The following NCK2 variants were observed in gnomAD, a reference collection of about 807,000 sequenced individuals.
NCK2 encodes the protein NCK adaptor protein 2.
NCK2 carries 16 observed loss-of-function variants against 33.9 expected under a neutral mutation model. The ratio of observed to expected loss-of-function variants is 0.47; its 90% CI spans 0.32 to 0.72. The LOEUF (loss-of-function observed/expected upper bound fraction) is 0.72. Among genes scored for constraint, NCK2 ranks in the 30% least tolerant of loss-of-function variants. The pLI, the probability that NCK2 is intolerant of heterozygous loss-of-function variation, is 0.03. For missense variants in NCK2, 418 were observed against 537.3 expected (o/e 0.78, Z 2.19); for synonymous variants, 273 against 239.9 (o/e 1.14, Z -1.27).
intron 1 of NCK2, among the ~76,000 whole-genome samples, chr2:105,755,224 C>T (rs955389112): frequency 1.3e-5 from 2 of 152,090 alleles, no homozygotes; most frequent in African/African-American, 4.8e-5. Flanking sequence ...TTACATGGTT[C>T]GGTAGACAAG....
chr2:105,876,843 G>T (rs916800138), intron 3 of NCK2, among the ~76,000 whole-genome samples: 1 of 152,146 alleles, frequency 6.6e-6, no homozygotes, highest in Non-Finnish European at 1.5e-5. Flanking sequence ...TACCTACAAG[G>T]TAATGAGTTT....
chr2:105,798,030 T>G (rs931545230), intron 1 of NCK2, among the ~76,000 whole-genome samples: 4 of 152,216 alleles, frequency 2.6e-5, no homozygotes, highest in Non-Finnish European at 5.9e-5. Context: ...ACCACATTTT[T>G]ATTAATTTAT....
At chr2:105,830,920 G>A (rs1014647906) in intron 2 of NCK2, among the ~76,000 whole-genome samples, 1 of 151,878 alleles carries the variant, frequency 6.6e-6, no homozygotes, top group Admixed American at 6.6e-5. Context: ...GATTATTTGG[G>A]TTTTTCTTTT....
intron 1 of NCK2, among the ~76,000 whole-genome samples, chr2:105,787,743 A>G (rs2104417296): frequency 6.6e-6 from 1 of 152,306 alleles, no homozygotes; most frequent in African/African-American, 2.4e-5. Flanking sequence ...TCCACTAGCC[A>G]GGTTCCTTCT....
chr2:105,792,182 A>G (rs1178639541), intron 1 of NCK2, among the ~76,000 whole-genome samples: 1 of 152,158 alleles, frequency 6.6e-6, no homozygotes, highest in African/African-American at 2.4e-5. Context: ...CTTCATATGT[A>G]GAAGATGGTT....
At chr2:105,774,255 C>T (rs748625193) in intron 1 of NCK2, among the ~76,000 whole-genome samples, 10 of 152,030 alleles carry the variant, frequency 6.6e-5, no homozygotes, top group South Asian at 2.1e-4. Flanking sequence ...GTTATCCCCC[C>T]GCCTCAGTCC....
chr2:105,838,593 G>T (rs1434259433), intron 2 of NCK2, among the ~76,000 whole-genome samples: 1 of 152,114 alleles, frequency 6.6e-6, no homozygotes, highest in African/African-American at 2.4e-5. Flanking sequence ...TTATTATGTA[G>T]AATAACAATG....
intron 1 of NCK2, among the ~76,000 whole-genome samples, chr2:105,753,202 A>G (rs1465836350): frequency 6.6e-6 from 1 of 152,232 alleles, no homozygotes; most frequent in African/African-American, 2.4e-5. Context: ...TGTAGCTTGC[A>G]TACAGGTTCA....
chr2:105,866,672 C>T (rs975678282), intron 3 of NCK2, among the ~76,000 whole-genome samples: 1 of 152,182 alleles, frequency 6.6e-6, no homozygotes, highest in African/African-American at 2.4e-5. Context: ...TGGTAATGCT[C>T]GCCAGCCCAC....
At chr2:105,827,474 G>T (rs984263596) in intron 2 of NCK2, among the ~76,000 whole-genome samples, 2 of 152,282 alleles carry the variant, frequency 1.3e-5, no homozygotes, top group African/African-American at 4.8e-5. Context: ...AGTCAGCAGG[G>T]CTATAGGAAC....
intron 1 of NCK2, among the ~76,000 whole-genome samples, chr2:105,750,935 C>T (rs1022274574): frequency 6.6e-6 from 1 of 152,176 alleles, no homozygotes; most frequent in Non-Finnish European, 1.5e-5. Context: ...GCCACATGAG[C>T]AAACATCCCT....
At chr2:105,808,566 A>G (rs1287608165) in intron 1 of NCK2, among the ~76,000 whole-genome samples, 1 of 152,240 alleles carries the variant, frequency 6.6e-6, no homozygotes, top group Non-Finnish European at 1.5e-5. Context: ...CCACCAGTTT[A>G]CTACAAATGC....
At chr2:105,880,127 C>A (rs1227727643) in intron 3 of NCK2, among the ~76,000 whole-genome samples, 3 of 152,332 alleles carry the variant, frequency 2.0e-5, no homozygotes, top group Non-Finnish European at 2.9e-5. Flanking sequence ...CATTTTTCCT[C>A]ATGCACAGGA....
chr2:105,882,772 T>G (rs1401999261), intron 4 of NCK2, among the ~76,000 whole-genome samples: 1 of 152,224 alleles, frequency 6.6e-6, no homozygotes, highest in East Asian at 1.9e-4. Context: ...AAGGAAATAC[T>G]CGACCAGTTT....
At chr2:105,780,991 C>A (rs1216746819) in intron 1 of NCK2, among the ~76,000 whole-genome samples, 2 of 152,106 alleles carry the variant, frequency 1.3e-5, no homozygotes, top group East Asian at 1.9e-4. Context: ...ACTAAGTGAC[C>A]CTCTCTTTTC....
At chr2:105,780,658 C>A (rs555857069) in intron 1 of NCK2, among the ~76,000 whole-genome samples, 2 of 152,228 alleles carry the variant, frequency 1.3e-5, no homozygotes, top group South Asian at 4.1e-4. Context: ...GAGATCCTAC[C>A]CCCCAAGGTG....
chr2:105,799,035 TC>T (rs905009883), intron 1 of NCK2, among the ~76,000 whole-genome samples: 1 of 152,210 alleles, frequency 6.6e-6, no homozygotes, highest in Non-Finnish European at 1.5e-5. Flanking sequence ...TACCTGGTTT[TC>T]CTTGGCCCAC....
chr2:105,780,787 G>C (rs1458007826), intron 1 of NCK2, among the ~76,000 whole-genome samples: 1 of 152,222 alleles, frequency 6.6e-6, no homozygotes, highest in Non-Finnish European at 1.5e-5. Flanking sequence ...CCTTCAGCAT[G>C]TGAGGACACA....
intron 1 of NCK2, among the ~76,000 whole-genome samples, chr2:105,803,758 A>G (rs1674930411): frequency 6.6e-6 from 1 of 152,194 alleles, no homozygotes; most frequent in Non-Finnish European, 1.5e-5. Context: ...TTTTCTCTAG[A>G]GTAGTGATTC....
Sources: gnomAD v4.1 joint callset for allele counts (sites outside exome capture counted in the v4.1 genomes callset) on GRCh38, gnomAD v4.1.1 for gene constraint, MANE v1.5 for transcripts, NCBI Gene and HGNC (gene_info 2026-07-23, HGNC 2026-07-21) for gene names.